Variants in RPL37 observed in about 807,000 individuals in gnomAD.
The protein encoded by RPL37 is large ribosomal subunit protein eL37.
Under a neutral mutation model 14.8 loss-of-function variants are expected in RPL37, and 1 was observed. The observed-to-expected ratio is 0.07, with a 90% CI of 0.02 to 0.32. The LOEUF (loss-of-function observed/expected upper bound fraction) is 0.32. Among genes scored for constraint, RPL37 ranks in the 10% least tolerant of loss-of-function variants. The probability of loss-of-function intolerance (pLI) is 1.00; values close to 1 mark genes in which losing one functional copy is unlikely to be tolerated. For missense variants in RPL37, 100 were observed against 128.3 expected (o/e 0.78, Z 1.06); for synonymous variants, 53 against 45.8 (o/e 1.16, Z -0.63).
chr5:40,833,834 G>A lies in RPL37; in HGVS notation c.224+347C>T, dbSNP rs529523793. On this transcript the variant is annotated intron_variant, in intron 3 of 3. Coordinates refer to ENST00000274242, the MANE Select transcript of RPL37 (RefSeq NM_000997.5). ...GCTTTCAACATCTGGCCTGAGCCCA[G>A]GAGTTCCGAGATTATCCTGGGTAAC... The A allele has an allele frequency of 3.4e-5, 7 of 205,732 alleles. No individual in the cohort carries two copies. In the East Asian group the frequency reaches 8.5e-4, roughly 25 times the overall value. The allele number at this position is 205,732 out of a possible 1,614,324, so 12.7% of individuals were successfully genotyped here.
rs1579791342 is a variant in RPL37, at chr5:40,831,138, A to T, written c.*1366T>A. ...CATCTCTACAAAAAACACAAAAATT[A>T]GCCAGGTGTGGTGGTGTGCATCTGT... On this transcript the variant is annotated 3_prime_UTR_variant, in exon 4 of 4. Coordinates refer to ENST00000274242, the MANE Select transcript of RPL37 (RefSeq NM_000997.5). 1 of 152,186 alleles carries T rather than the reference A, an allele frequency of 6.6e-6. No individual in the cohort carries two copies. Among genetic ancestry groups the T allele is most frequent in the Non-Finnish European group, 1.5e-5 (1 of 68,050 alleles). The allele number at this position is 152,186 out of a possible 1,614,324, so 9.4% of individuals were successfully genotyped here. A position where few individuals can be genotyped will look rare whatever the true frequency, so the allele number is the denominator to read the frequency against.
chr5:40,835,087 T>A lies in RPL37; in HGVS notation c.3+96A>T. ...CTCTTTCCAGCCCACCAGTTCCCCT[T>A]ATCCGGAATCTTGCCAGCCCCCCAA... On this transcript the variant is annotated intron_variant, in intron 1 of 3. Coordinates refer to ENST00000274242, the MANE Select transcript of RPL37 (RefSeq NM_000997.5). 1.9e-6 allele frequency: 3 copies of A among 1,556,616 alleles called. No individual in the cohort carries two copies. The South Asian group carries it at 3.4e-5, about 17-fold the overall frequency.
rs541809602 is a variant in RPL37, at chr5:40,828,443, C to T, written c.*4061G>A. The T allele has an allele frequency of 6.6e-6, 1 of 152,098 alleles. No individual in the cohort carries two copies. The highest frequency in any genetic ancestry group is 1.5e-5 in the Non-Finnish European group (1 of 68,020). 9.4% of individuals were successfully genotyped at this position (152,098 alleles called of 1,614,324 possible). On this transcript the variant is annotated 3_prime_UTR_variant, in exon 4 of 4. Transcript: ENST00000274242. ...ACACATAGTAGTCACTAAATAGATACTTGCTTCATGAATGAAGGGCACCAT... is the reference window on the plus strand; with the variant it reads ...ACACATAGTAGTCACTAAATAGATATTTGCTTCATGAATGAAGGGCACCAT...
Position 40,827,232 on chromosome 5 carries a change from T to A in RPL37, c.*5272A>T, listed in dbSNP as rs527471590. 1.0e-4 allele frequency: 16 copies of A among 152,386 alleles called. No individual in the cohort carries two copies. In the East Asian group the frequency reaches 2.9e-3, roughly 28 times the overall value. 9.4% of individuals were successfully genotyped at this position (152,386 alleles called of 1,614,324 possible). A position where few individuals can be genotyped will look rare whatever the true frequency, so the allele number is the denominator to read the frequency against. ...TGAAGCCAGCCAGCCAAGGAAGAAC[T>A]ACCCTATCTCCTCACTCCTCACCTT... is the stretch of plus-strand genomic sequence containing the variant. On this transcript the variant is annotated 3_prime_UTR_variant, in exon 4 of 4. Coordinates refer to ENST00000274242, the MANE Select transcript of RPL37 (RefSeq NM_000997.5).
At chr5:40,833,916 G>T (rs373582424) in intron 3 of RPL37, 19 of 431,932 alleles carry the variant, frequency 4.4e-5, no homozygotes, top group African/African-American at 3.8e-4. Context: ...ATGTGGCAGC[G>T]CACACCTGTA....
Position 40,825,914 on chromosome 5 carries a change from C to A in RPL37, c.*6590G>T, listed in dbSNP as rs1319707914. On this transcript the variant is annotated 3_prime_UTR_variant, in exon 4 of 4. Coordinates refer to ENST00000274242, the MANE Select transcript of RPL37 (RefSeq NM_000997.5). ...GGAGACGGGGTTTCGCCATGTTGGCCAGGCTGGTCTCAAACTCCTGACCTC... is the reference window on the plus strand; with the variant it reads ...GGAGACGGGGTTTCGCCATGTTGGCAAGGCTGGTCTCAAACTCCTGACCTC... 6 of 152,220 alleles carry A rather than the reference C, an allele frequency of 3.9e-5. No individual in the cohort carries two copies. Among genetic ancestry groups the A allele is most frequent in the African/African-American group, 1.4e-4 (6 of 41,418 alleles). The allele number at this position is 152,220 out of a possible 1,614,324, so 9.4% of individuals were successfully genotyped here.
intron 3 of RPL37, chr5:40,833,974 G>T: frequency 1.8e-6 from 1 of 555,252 alleles, no homozygotes; most frequent in Non-Finnish European, 3.2e-6. Context: ...AGGCTGGGGA[G>T]ACTGAGGCTG....
intron 1 of RPL37, 28 bp from the exon 2 acceptor site, chr5:40,834,634 G>C (rs1031108826): frequency 1.3e-6 from 2 of 1,573,502 alleles, no homozygotes; most frequent in African/African-American, 2.7e-5. Flanking sequence ...AAATAGTTCT[G>C]AAACCTGGCA....
chr5:40,830,903 G>GTCTTTCAAGGTCATTGT lies in RPL37; in HGVS notation c.*1584_*1600dup, dbSNP rs1439660417. On this transcript the variant is annotated 3_prime_UTR_variant, in exon 4 of 4. Transcript: ENST00000274242. ...ACATTATACCCACAGCAACTCAGCT[G>GTCTTTCAAGGTCATTGT]TCTTTCAAGGTCATTGTTCAATCTT... 2.0e-5 allele frequency: 3 copies of GTCTTTCAAGGTCATTGT among 151,976 alleles called. No homozygotes were observed. The highest frequency in any genetic ancestry group is 4.4e-5 in the Non-Finnish European group (3 of 68,030). 9.4% of individuals were successfully genotyped at this position (151,976 alleles called of 1,614,324 possible).
chr5:40,826,033 T>C lies in RPL37; in HGVS notation c.*6471A>G, dbSNP rs1745510074. On this transcript the variant is annotated 3_prime_UTR_variant, in exon 4 of 4. Transcript: ENST00000274242. Reference sequence around the variant, plus strand: ...CGCTCCTCAGTCAATTCTAAACAACTGTCCTCACTTGAGGAAGCTGGCCTT... The same window carrying C: ...CGCTCCTCAGTCAATTCTAAACAACCGTCCTCACTTGAGGAAGCTGGCCTT... 1.3e-5 allele frequency: 2 copies of C among 152,198 alleles called. No homozygotes were observed. The highest frequency in any genetic ancestry group is 2.9e-5 in the Non-Finnish European group (2 of 68,042). The allele number at this position is 152,198 out of a possible 1,614,324, so 9.4% of individuals were successfully genotyped here. A position where few individuals can be genotyped will look rare whatever the true frequency, so the allele number is the denominator to read the frequency against.
rs532535128 is a variant in RPL37 at position 40,832,100 on chromosome 5, T to A, written c.*404A>T. ...GTACTCCCAAGCTCTATGTGACTAA[T>A]AATCATCCCCCTAGTCATGACAGCA... On this transcript the variant is annotated 3_prime_UTR_variant, in exon 4 of 4. Coordinates refer to ENST00000274242, the MANE Select transcript of RPL37 (RefSeq NM_000997.5). 4.9e-6 allele frequency: 1 copy of A among 204,418 alleles called. No individual in the cohort carries two copies. Among genetic ancestry groups the A allele is most frequent in the East Asian group, 1.0e-4 (1 of 9,916 alleles). 12.7% of individuals were successfully genotyped at this position (204,418 alleles called of 1,614,324 possible). A position where few individuals can be genotyped will look rare whatever the true frequency, so the allele number is the denominator to read the frequency against.
At position 40,834,183 on chromosome 5, in the gene RPL37, G is replaced by T. The variant is rs752864462; in HGVS notation, c.222C>A (p.Phe74Leu). ...ATGATCGAACATACAAACTGTACCT[G>T]AATCTGCGGTATACAATTTTTAGGT... ...MRHLKIVYRR[F>L]RHGFREGTTP... The change falls in exon 3 of 4, where the codon TTC becomes TTA. Residue 74 changes from phenylalanine to leucine, a missense_variant and splice_region_variant. By Grantham distance (22) the Phe-to-Leu change is conservative. Around this residue, in one of 2 missense-constraint regions of RPL37, gnomAD observed 74 missense variants for 69.9 expected, o/e 1.06. Transcript: ENST00000274242. 3 of 1,610,956 alleles carry T rather than the reference G, an allele frequency of 1.9e-6. No individual in the cohort carries two copies.
At position 40,827,519 on chromosome 5, in the gene RPL37, GGGTCA is replaced by G. The variant is rs1159910972; in HGVS notation, c.*4980_*4984del. On this transcript the variant is annotated 3_prime_UTR_variant, in exon 4 of 4. Coordinates refer to ENST00000274242, the MANE Select transcript of RPL37 (RefSeq NM_000997.5). ...ATCTGTGAGTAATCTAAAAATACATGGGTCAGGTCAAGTCTTCATCCTGGGGCACC... is the reference window on the plus strand; with the variant it reads ...ATCTGTGAGTAATCTAAAAATACATGGGTCAAGTCTTCATCCTGGGGCACC... 1 of 152,148 alleles carries G rather than the reference GGGTCA, an allele frequency of 6.6e-6. No individual in the cohort carries two copies. Among genetic ancestry groups the G allele is most frequent in the Non-Finnish European group, 1.5e-5 (1 of 68,032 alleles). 9.4% of individuals were successfully genotyped at this position (152,148 alleles called of 1,614,324 possible).
rs1459921543 is a variant in RPL37, at chr5:40,832,065, G to A, written c.*439C>T. On this transcript the variant is annotated 3_prime_UTR_variant, in exon 4 of 4. Transcript: ENST00000274242. ...AAGCCACCTAAACTCCTACCCATAC[G>A]TTTCCAGTGGTACTCCCAAGCTCTA... 3.4e-5 allele frequency: 6 copies of A among 175,218 alleles called. No homozygotes were observed. Among genetic ancestry groups the A allele is most frequent in the Admixed American group, 5.4e-5 (1 of 18,460 alleles). The allele number at this position is 175,218 out of a possible 1,614,324, so 10.9% of individuals were successfully genotyped here. A position where few individuals can be genotyped will look rare whatever the true frequency, so the allele number is the denominator to read the frequency against.
Position 40,827,699 on chromosome 5 carries a change from C to A in RPL37, c.*4805G>T, listed in dbSNP as rs1745547929. 1 of 151,844 alleles carries A rather than the reference C, an allele frequency of 6.6e-6. No individual in the cohort carries two copies. Among genetic ancestry groups the A allele is most frequent in the African/African-American group, 2.4e-5 (1 of 41,336 alleles). 9.4% of individuals were successfully genotyped at this position (151,844 alleles called of 1,614,324 possible). A position where few individuals can be genotyped will look rare whatever the true frequency, so the allele number is the denominator to read the frequency against. On this transcript the variant is annotated 3_prime_UTR_variant, in exon 4 of 4. Coordinates refer to ENST00000274242, the MANE Select transcript of RPL37 (RefSeq NM_000997.5). ...TCTTGTCAAAACATCCTTCTACTTACAAGGAAGATTTTGCTTAAGTCCTTC... is the reference window on the plus strand; with the variant it reads ...TCTTGTCAAAACATCCTTCTACTTAAAAGGAAGATTTTGCTTAAGTCCTTC...
Position 40,832,452 on chromosome 5 carries a change from T to C in RPL37, c.*52A>G. ...TTAAAAATACCTTACCAAAACCAGA[T>C]ATGTATTTTTTAAAACCAGAACATT... On this transcript the variant is annotated 3_prime_UTR_variant, in exon 4 of 4. Coordinates refer to ENST00000274242, the MANE Select transcript of RPL37 (RefSeq NM_000997.5). 1 of 1,454,158 alleles carries C rather than the reference T, an allele frequency of 6.9e-7. No homozygotes were observed. The highest frequency in any genetic ancestry group is 1.1e-5 in the South Asian group (1 of 87,768). The allele number at this position is 1,454,158 out of a possible 1,614,324, so 90.1% of individuals were successfully genotyped here. A position where few individuals can be genotyped will look rare whatever the true frequency, so the allele number is the denominator to read the frequency against.
At chr5:40,834,131 G>A (rs557751377) in intron 3 of RPL37, 50 bp downstream of exon 3, 3 of 1,251,366 alleles carry the variant, frequency 2.4e-6, no homozygotes, top group Admixed American at 3.4e-5. Context: ...AAACACGAGG[G>A]TTTCATTCAA....
intron 3 of RPL37, 51 bp downstream of exon 3, chr5:40,834,130 G>A: frequency 1.6e-6 from 2 of 1,216,322 alleles, no homozygotes; most frequent in Non-Finnish European, 2.4e-6. Flanking sequence ...TAAACACGAG[G>A]GTTTCATTCA....
rs1233145257 is a variant in RPL37 at position 40,832,297 on chromosome 5, C to T, written c.*207G>A. On this transcript the variant is annotated 3_prime_UTR_variant, in exon 4 of 4. Transcript: ENST00000274242. Reference sequence around the variant, plus strand: ...CTGGAATTCTGCTTGTTTCTCATTGCCTTTAACCGTGTTACAAACCCAGTC... The same window carrying T: ...CTGGAATTCTGCTTGTTTCTCATTGTCTTTAACCGTGTTACAAACCCAGTC... 14 of 578,244 alleles carry T rather than the reference C, an allele frequency of 2.4e-5. No homozygotes were observed. In the East Asian group the frequency reaches 4.3e-4, roughly 18 times the overall value. The allele number at this position is 578,244 out of a possible 1,614,324, so 35.8% of individuals were successfully genotyped here.
Sources: allele counts gnomAD v4.1 joint callset, GRCh38; gene constraint gnomAD v4.1.1; regional missense constraint gnomAD v4.1.1; transcripts MANE v1.5; gene names NCBI Gene and HGNC (gene_info 2026-07-23, HGNC 2026-07-21).